Variants in TRIM24 observed in about 807,000 individuals in gnomAD.
The protein encoded by TRIM24 is tripartite motif containing 24.
TRIM24 carries 29 observed loss-of-function variants against 123.9 expected under a neutral mutation model. The observed-to-expected ratio is 0.23, with a 90% confidence interval of 0.17 to 0.32. The LOEUF is 0.32. TRIM24 is among the 10% of genes least tolerant of loss of function. TRIM24 has a pLI of 1.00. For missense variants in TRIM24, 932 were observed against 1,295.3 expected, an observed-to-expected ratio of 0.72 and a Z score of 4.31; for synonymous variants, 456 against 461.1, an observed-to-expected ratio of 0.99 and a Z score of 0.14.
intron 9 of TRIM24, among the ~76,000 whole-genome samples, chr7:138,561,764 G>T (rs1053889488): frequency 1.3e-5 from 2 of 152,172 alleles, no homozygotes; most frequent in Admixed American, 6.5e-5. Context: ...GTTAGATCTG[G>T]CAATCCTACG....
At chr7:138,501,583 T>C (rs939699643) in intron 1 of TRIM24, among the ~76,000 whole-genome samples, 1 of 151,980 alleles carries the variant, frequency 6.6e-6, no homozygotes, top group African/African-American at 2.4e-5. Flanking sequence ...GATCCATTGT[T>C]GGCTAAAAAA....
chr7:138,481,645 C>A (rs993007107), intron 1 of TRIM24, among the ~76,000 whole-genome samples: 1 of 151,642 alleles, frequency 6.6e-6, no homozygotes, highest in African/African-American at 2.4e-5. Flanking sequence ...TCAATACAAA[C>A]AAACAAACAA....
At chr7:138,467,637 C>G (rs1205730976) in intron 1 of TRIM24, among the ~76,000 whole-genome samples, 4 of 152,304 alleles carry the variant, frequency 2.6e-5, no homozygotes, top group Non-Finnish European at 4.4e-5. Flanking sequence ...CCACTGCACC[C>G]AGCCATAATG....
chr7:138,550,172 A>G lies in TRIM24; in HGVS notation c.1144-891A>G, dbSNP rs1050701640. Among the ~76,000 whole-genome samples the G allele has an allele frequency of 4.6e-5, 7 of 152,168 alleles. No individual in the cohort carries two copies. The East Asian group carries it at 1.2e-3, about 25-fold the overall frequency. On this transcript the variant is annotated intron_variant, in intron 7 of 18. Coordinates refer to ENST00000343526, the MANE Select transcript of TRIM24 (RefSeq NM_015905.3). Reference sequence around the variant, plus strand: ...GCAGCCTTAATGGCCTACCTGAAGTAAGTGGTCATGTGTTTGAAGTGAGAT... The same window carrying G: ...GCAGCCTTAATGGCCTACCTGAAGTGAGTGGTCATGTGTTTGAAGTGAGAT...
At chr7:138,569,270 T>TACTC (rs991748026) in intron 10 of TRIM24, among the ~76,000 whole-genome samples, 10 of 152,216 alleles carry the variant, frequency 6.6e-5, no homozygotes, top group African/African-American at 2.2e-4. Context: ...AATGAGTAGA[T>TACTC]ACTCTAAGCA....
intron 1 of TRIM24, among the ~76,000 whole-genome samples, chr7:138,467,453 T>C (rs2116448470): frequency 6.6e-6 from 1 of 152,336 alleles, no homozygotes; most frequent in South Asian, 2.1e-4. Flanking sequence ...GTGATTCTCC[T>C]GCCTCAGCCT....
chr7:138,479,467 G>A (rs897376387), intron 1 of TRIM24, among the ~76,000 whole-genome samples: 6 of 151,872 alleles, frequency 4.0e-5, no homozygotes, highest in Non-Finnish European at 8.8e-5. Context: ...TTATCTGCCA[G>A]GTTCAAATGA....
intron 2 of TRIM24, among the ~76,000 whole-genome samples, chr7:138,511,657 G>T (rs142256667): frequency 3.5e-4 from 53 of 152,176 alleles, no homozygotes; most frequent in African/African-American, 1.3e-3. Context: ...CACCAAGGAG[G>T]ATATCCACCC....
intron 3 of TRIM24, among the ~76,000 whole-genome samples, chr7:138,518,109 T>C (rs990286635): frequency 6.6e-6 from 1 of 152,186 alleles, no homozygotes; most frequent in Non-Finnish European, 1.5e-5. Context: ...CAAATATCCT[T>C]AGCAGGTGGT....
intron 1 of TRIM24, among the ~76,000 whole-genome samples, chr7:138,486,774 G>GCCT (rs2116489387): frequency 6.6e-6 from 1 of 152,276 alleles, no homozygotes; most frequent in South Asian, 2.1e-4. Flanking sequence ...GTAGCATGAT[G>GCCT]CCTCCAGCTT....
intron 7 of TRIM24, among the ~76,000 whole-genome samples, chr7:138,545,090 T>A (rs1180540197): frequency 1.3e-5 from 2 of 152,178 alleles, no homozygotes; most frequent in Non-Finnish European, 2.9e-5. Flanking sequence ...GAAACATAAA[T>A]GAATTTCATG....
intron 6 of TRIM24, among the ~76,000 whole-genome samples, chr7:138,537,131 G>C (rs2116604745): frequency 6.6e-6 from 1 of 152,276 alleles, no homozygotes; most frequent in African/African-American, 2.4e-5. Context: ...CCCTTGGTTA[G>C]GAAAGGGAAT....
At chr7:138,578,512 G>A (rs898364535) in intron 14 of TRIM24, among the ~76,000 whole-genome samples, 4 of 149,840 alleles carry the variant, frequency 2.7e-5, no homozygotes, top group African/African-American at 9.9e-5. Context: ...GGGATGGGGT[G>A]AATGGTGGTG....
rs188766827 is a variant in TRIM24, at chr7:138,480,010, G to C, written c.364+19098G>C. 4.7e-4 allele frequency among the ~76,000 whole-genome samples: 71 copies of C among 151,872 alleles called. 1 individual carries two copies. Among genetic ancestry groups the C allele is most frequent in the African/African-American group, 1.5e-3 (61 of 41,386 alleles). ...ATTTTTGTGTTTTTAGTAGAGACAG[G>C]GTTTCGCCATGTTGGCCAGGCTGGT... On this transcript the variant is annotated intron_variant, in intron 1 of 18. Transcript: ENST00000343526.
intron 1 of TRIM24, among the ~76,000 whole-genome samples, chr7:138,473,914 G>A (rs1339520667): frequency 6.6e-6 from 1 of 152,020 alleles, no homozygotes; most frequent in Non-Finnish European, 1.5e-5. Flanking sequence ...GGCACCACAG[G>A]AATCTACCAC....
chr7:138,533,947 G>A (rs1796808034), intron 6 of TRIM24, among the ~76,000 whole-genome samples: 1 of 151,938 alleles, frequency 6.6e-6, no homozygotes, highest in Admixed American at 6.6e-5. Context: ...GTCTTGGGTG[G>A]GTGTATATGT....
rs772544937 is a variant in TRIM24, at chr7:138,585,954, T to C, written c.*1003T>C. ...CTGTCTATAATTTGGAATGAAAATG[T>C]GTTGTAGGATTTTGGGAGCAGGCAG... On this transcript the variant is annotated 3_prime_UTR_variant, in exon 19 of 19. Coordinates refer to ENST00000343526, the MANE Select transcript of TRIM24 (RefSeq NM_015905.3). The C allele has an allele frequency of 3.9e-6, 2 of 509,476 alleles. No individual in the cohort carries two copies. Among genetic ancestry groups the C allele is most frequent in the Admixed American group, 3.9e-5 (2 of 51,092 alleles). The allele number at this position is 509,476 out of a possible 1,614,324, so 31.6% of individuals were successfully genotyped here.
intron 1 of TRIM24, among the ~76,000 whole-genome samples, chr7:138,486,684 C>T (rs1795655221): frequency 6.6e-6 from 1 of 152,172 alleles, no homozygotes; most frequent in South Asian, 2.1e-4. Flanking sequence ...GTATTCTGTC[C>T]TACTGGTCTG....
chr7:138,478,899 C>T (rs1398969057), intron 1 of TRIM24, among the ~76,000 whole-genome samples: 1 of 152,068 alleles, frequency 6.6e-6, no homozygotes, highest in Non-Finnish European at 1.5e-5. Context: ...AATAGGAACC[C>T]AAGGTGCTGT....
Sources: allele counts gnomAD v4.1 joint callset (sites outside exome capture counted in the v4.1 genomes callset), GRCh38; gene constraint gnomAD v4.1.1; transcripts MANE v1.5; gene names NCBI Gene and HGNC (gene_info 2026-07-23, HGNC 2026-07-21).